Variants in KHDRBS3 observed in about 807,000 individuals in gnomAD.
The protein encoded by KHDRBS3 is KH domain-containing, RNA-binding, signal transduction-associated protein 3.
KHDRBS3 carries 23 observed loss-of-function variants against 45.6 expected under a neutral mutation model. The ratio of observed to expected loss-of-function variants is 0.50; its 90% CI spans 0.36 to 0.72. KHDRBS3 has a LOEUF of 0.72. Among genes scored for constraint, KHDRBS3 ranks in the 30% least tolerant of loss-of-function variants. The pLI is 0.00. For missense variants in KHDRBS3, 352 were observed against 424.8 expected (o/e 0.83, Z 1.51); for synonymous variants, 162 against 156.5 (o/e 1.04, Z -0.26).
In KHDRBS3 at chr8:135,522,461, T is replaced by C. The variant is rs568875084; in HGVS notation, c.207+1106T>C. ...CGCAGTATTGAAAATTGTTGTGTAT[T>C]TAGTATTACAAGAAATTGTCATACT... On this transcript the variant is annotated intron_variant, in intron 2 of 8. Transcript: ENST00000355849. Among the ~76,000 whole-genome samples, 9 of 152,378 alleles carry C rather than the reference T, an allele frequency of 5.9e-5. No individual in the cohort carries two copies. The South Asian group carries it at 1.9e-3, about 32-fold the overall frequency.
chr8:135,481,487 C>G (rs1822576142), intron 1 of KHDRBS3, among the ~76,000 whole-genome samples: 1 of 151,898 alleles, frequency 6.6e-6, no homozygotes. Context: ...TTTATGTCTC[C>G]CCTGTAGAGG....
chr8:135,571,941 G>A, intron 5 of KHDRBS3, among the ~76,000 whole-genome samples: 1 of 152,136 alleles, frequency 6.6e-6, no homozygotes, highest in East Asian at 1.9e-4. Flanking sequence ...GAATCAAACT[G>A]TGCTGTGATT....
intron 7 of KHDRBS3, among the ~76,000 whole-genome samples, chr8:135,630,893 T>C (rs1268638759): frequency 6.6e-6 from 1 of 152,168 alleles, no homozygotes; most frequent in Non-Finnish European, 1.5e-5. Context: ...GCCTGGGACG[T>C]TACTATGCAC....
intron 1 of KHDRBS3, among the ~76,000 whole-genome samples, chr8:135,499,025 C>A (rs1318607253): frequency 6.6e-6 from 1 of 152,106 alleles, no homozygotes; most frequent in Non-Finnish European, 1.5e-5. Flanking sequence ...CTTAATATTT[C>A]TCATACCCTA....
At chr8:135,469,560 GC>G (rs1821902742) in intron 1 of KHDRBS3, among the ~76,000 whole-genome samples, 1 of 120,818 alleles carries the variant, frequency 8.3e-6, no homozygotes, top group Admixed American at 1.1e-4. Flanking sequence ...GACGAGTCTC[GC>G]TTCTTCACCC....
intron 1 of KHDRBS3, among the ~76,000 whole-genome samples, 157 bp from the exon 2 acceptor site, chr8:135,521,080 A>G (rs1051457240): frequency 5.9e-5 from 9 of 152,322 alleles, no homozygotes; most frequent in Non-Finnish European, 1.2e-4. Flanking sequence ...ATGAAGAATC[A>G]TTGATGAAAC....
chr8:135,478,697 T>C (rs1272757569), intron 1 of KHDRBS3, among the ~76,000 whole-genome samples: 1 of 152,112 alleles, frequency 6.6e-6, no homozygotes, highest in African/African-American at 2.4e-5. Context: ...TTCAAAAATA[T>C]GTGGAAATTA....
intron 5 of KHDRBS3, among the ~76,000 whole-genome samples, chr8:135,580,794 G>A (rs1828168912): frequency 1.3e-5 from 2 of 151,824 alleles, no homozygotes; most frequent in South Asian, 4.2e-4. Flanking sequence ...TGTATTTTTA[G>A]TAGAGATGGA....
At chr8:135,502,619 G>T (rs560214530) in intron 1 of KHDRBS3, among the ~76,000 whole-genome samples, 3 of 151,968 alleles carry the variant, frequency 2.0e-5, no homozygotes, top group Non-Finnish European at 2.9e-5. Flanking sequence ...GAATAGGGTC[G>T]GCATCATATT....
intron 2 of KHDRBS3, among the ~76,000 whole-genome samples, chr8:135,529,726 C>CT (rs1376651383): frequency 3.9e-5 from 6 of 152,068 alleles, no homozygotes; most frequent in Non-Finnish European, 7.4e-5. Flanking sequence ...TAGAAACAGT[C>CT]TATTACATGT....
At chr8:135,631,747 T>C (rs962432503) in intron 7 of KHDRBS3, among the ~76,000 whole-genome samples, 1 of 152,186 alleles carries the variant, frequency 6.6e-6, no homozygotes, top group Non-Finnish European at 1.5e-5. Flanking sequence ...TTTTAATAAG[T>C]AGAAGGAATA....
intron 6 of KHDRBS3, among the ~76,000 whole-genome samples, chr8:135,584,960 G>A (rs1232642728): frequency 6.6e-6 from 1 of 151,800 alleles, no homozygotes; most frequent in Non-Finnish European, 1.5e-5. Flanking sequence ...CGATGCTCAC[G>A]CTTGTAATCC....
At chr8:135,502,685 G>A (rs1193361045) in intron 1 of KHDRBS3, among the ~76,000 whole-genome samples, 1 of 152,082 alleles carries the variant, frequency 6.6e-6, no homozygotes, top group Non-Finnish European at 1.5e-5. Flanking sequence ...TCCAAAGTCC[G>A]TGTGTGCTTT....
At chr8:135,601,775 C>T (rs78892609) in intron 6 of KHDRBS3, among the ~76,000 whole-genome samples, 1,949 of 152,248 alleles carry the variant, frequency 0.013, 30 homozygotes, top group African/African-American at 0.045. Context: ...TCTTTGACAT[C>T]CCCTTCTATA....
chr8:135,471,654 T>C (rs908961553), intron 1 of KHDRBS3, among the ~76,000 whole-genome samples: 3 of 152,124 alleles, frequency 2.0e-5, no homozygotes, highest in Admixed American at 2.0e-4. Flanking sequence ...CCTCACATAG[T>C]GGTAGAAACG....
At position 135,631,250 on chromosome 8, in the gene KHDRBS3, C is replaced by CA. The variant is rs1563819057; in HGVS notation, c.891-13809_891-13808insA. ...TGGGCAACAGAGCGAGACTCCGTCT[C>CA]GGAAAAAAAAAAAAAAAAAAAAAGG... On this transcript the variant is annotated intron_variant, in intron 7 of 8. Transcript: ENST00000355849. Among the ~76,000 whole-genome samples the CA allele has an allele frequency of 1.6e-4, 7 of 42,452 alleles. 1 individual carries two copies. Among genetic ancestry groups the CA allele is most frequent in the Non-Finnish European group, 2.9e-4 (7 of 24,190 alleles). 27.9% of individuals were successfully genotyped at this position (42,452 alleles called of 152,430 possible).
At chr8:135,569,203 A>G (rs1827576341) in intron 5 of KHDRBS3, among the ~76,000 whole-genome samples, 1 of 152,216 alleles carries the variant, frequency 6.6e-6, no homozygotes, top group South Asian at 2.1e-4. Flanking sequence ...AAATTCATAA[A>G]TTATTTCATC....
intron 6 of KHDRBS3, among the ~76,000 whole-genome samples, chr8:135,583,284 G>A (rs7002394): frequency 0.26 from 38,919 of 152,072 alleles, 5,318 homozygotes; most frequent in East Asian, 0.53. Flanking sequence ...AACAAATCCC[G>A]TAATAGTTTT....
chr8:135,594,089 C>T (rs1297491037), intron 6 of KHDRBS3, among the ~76,000 whole-genome samples: 1 of 152,124 alleles, frequency 6.6e-6, no homozygotes, highest in African/African-American at 2.4e-5. Context: ...GGTTTATTGT[C>T]ATCTTTATAC....
Sources: allele counts gnomAD v4.1 joint callset (sites outside exome capture counted in the v4.1 genomes callset), GRCh38; gene constraint gnomAD v4.1.1; transcripts MANE v1.5; gene names NCBI Gene and HGNC (gene_info 2026-07-23, HGNC 2026-07-21).